The following CTDSPL2 variants were observed in gnomAD, a reference collection of about 807,000 sequenced individuals.
The protein encoded by CTDSPL2 is CTD small phosphatase like 2, also known as CTD small phosphatase-like protein 2.
In CTDSPL2, 5 loss-of-function variants were observed where a neutral mutation model predicts 60.0. That is an observed-to-expected ratio of 0.08 (90% CI 0.04 to 0.18). The LOEUF is 0.18. CTDSPL2 is among the 10% of genes least tolerant of loss of function. The pLI is 1.00. For missense variants in CTDSPL2, 370 were observed against 548.8 expected, an observed-to-expected ratio of 0.67 and a Z score of 3.26; for synonymous variants, 186 against 189.3, an observed-to-expected ratio of 0.98 and a Z score of 0.14.
At chr15:44,504,993 A>G (rs1384806534) in intron 8 of CTDSPL2, among the ~76,000 whole-genome samples, 2 of 152,202 alleles carry the variant, frequency 1.3e-5, no homozygotes, top group Admixed American at 1.3e-4. Context: ...TTTTTTCATC[A>G]TAATTATTCA....
intron 2 of CTDSPL2, among the ~76,000 whole-genome samples, chr15:44,469,428 TA>T (rs1480117104): frequency 6.6e-6 from 1 of 152,224 alleles, no homozygotes; most frequent in African/African-American, 2.4e-5. Context: ...AATTTTACAC[TA>T]TTTTTTTTTC....
chr15:44,446,966 G>C (rs2080230590), intron 1 of CTDSPL2, among the ~76,000 whole-genome samples: 1 of 151,952 alleles, frequency 6.6e-6, no homozygotes, highest in African/African-American at 2.4e-5. Flanking sequence ...TGTTGGCCAG[G>C]CTGGTCTCGA....
chr15:44,460,203 C>T (rs914698665), intron 2 of CTDSPL2, among the ~76,000 whole-genome samples: 3 of 152,104 alleles, frequency 2.0e-5, no homozygotes, highest in Admixed American at 6.6e-5. Context: ...CTCTGCCTCC[C>T]GAGTTCAAGT....
At chr15:44,481,720 T>C (rs991397800) in intron 2 of CTDSPL2, among the ~76,000 whole-genome samples, 52 of 152,104 alleles carry the variant, frequency 3.4e-4, no homozygotes, top group Non-Finnish European at 7.4e-4. Flanking sequence ...ATTACAGATA[T>C]GTACCACCAT....
intron 8 of CTDSPL2, among the ~76,000 whole-genome samples, chr15:44,510,908 G>C (rs755070554): frequency 1.3e-5 from 2 of 152,180 alleles, no homozygotes; most frequent in African/African-American, 2.4e-5. Context: ...ACAGTACGTA[G>C]TGCTTCTTGA....
intron 7 of CTDSPL2, among the ~76,000 whole-genome samples, chr15:44,497,986 G>C (rs929274057): frequency 6.6e-6 from 1 of 151,494 alleles, no homozygotes; most frequent in Non-Finnish European, 1.5e-5. Flanking sequence ...AACAGGGCAA[G>C]ATTCTGTCTC....
intron 2 of CTDSPL2, among the ~76,000 whole-genome samples, chr15:44,472,573 A>G (rs1478660211): frequency 6.8e-6 from 1 of 147,738 alleles, no homozygotes; most frequent in East Asian, 2.0e-4. Context: ...ATCTCGGTTC[A>G]TTGCAACCTC....
chr15:44,465,144 C>T (rs1449292133), intron 2 of CTDSPL2, among the ~76,000 whole-genome samples: 2 of 152,134 alleles, frequency 1.3e-5, no homozygotes, highest in African/African-American at 4.8e-5. Flanking sequence ...CTCTCAAATA[C>T]AGATTTTGTG....
chr15:44,509,874 T>C (rs1231753327), intron 8 of CTDSPL2, among the ~76,000 whole-genome samples: 2 of 151,810 alleles, frequency 1.3e-5, no homozygotes, highest in Non-Finnish European at 2.9e-5. Context: ...TGCAGTGAGC[T>C]GAGACCACAC....
chr15:44,486,758 GTTTTTT>G, intron 4 of CTDSPL2, 58 bp downstream of exon 4: 3 of 800,348 alleles, frequency 3.7e-6, no homozygotes, highest in Non-Finnish European at 1.8e-6. Flanking sequence ...CATAGTTTGG[GTTTTTT>G]TTTTTTTTTT....
chr15:44,468,886 C>T lies in CTDSPL2; in HGVS notation c.186+9686C>T, dbSNP rs75196492. Among the ~76,000 whole-genome samples the T allele has an allele frequency of 1.7e-3, 257 of 152,302 alleles. 9 individuals are homozygous for T. The East Asian group carries it at 0.046, about 27-fold the overall frequency. On this transcript the variant is annotated intron_variant, in intron 2 of 12. Transcript: ENST00000260327. ...AATCTTACATCATCCTGCTCCATCA[C>T]AACTGGGACATTAATCATCCCTTTG... is the stretch of plus-strand genomic sequence containing the variant.
At chr15:44,470,662 G>T (rs1271166171) in intron 2 of CTDSPL2, 2 of 152,064 alleles carry the variant, frequency 1.3e-5, no homozygotes, top group Admixed American at 6.6e-5. Context: ...TGGCCAGCCT[G>T]GTCTTGAACT....
intron 2 of CTDSPL2, among the ~76,000 whole-genome samples, chr15:44,479,644 A>T (rs1188655833): frequency 6.6e-6 from 1 of 151,992 alleles, no homozygotes; most frequent in Non-Finnish European, 1.5e-5. Flanking sequence ...CCTGGCCTCA[A>T]GTGAGGCTCC....
intron 2 of CTDSPL2, among the ~76,000 whole-genome samples, chr15:44,463,173 G>C (rs188921510): frequency 5.7e-4 from 87 of 152,142 alleles, no homozygotes; most frequent in Admixed American, 3.9e-3. Flanking sequence ...ACGAAATCTT[G>C]CTCTGTCGCC....
At chr15:44,489,143 C>G (rs1502454) in intron 4 of CTDSPL2, among the ~76,000 whole-genome samples, 3,826 of 149,588 alleles carry the variant, frequency 0.026, 130 homozygotes, top group African/African-American at 0.09. Flanking sequence ...CCCCCTCCCC[C>G]CCACCTACCT....
At chr15:44,499,138 G>A (rs1296375068) in intron 7 of CTDSPL2, among the ~76,000 whole-genome samples, 2 of 151,138 alleles carry the variant, frequency 1.3e-5, no homozygotes, top group Non-Finnish European at 3.0e-5. Context: ...TGCCAGGCAC[G>A]GTGGCTCACT....
chr15:44,497,866 A>G (rs758284168), intron 7 of CTDSPL2, among the ~76,000 whole-genome samples: 3 of 152,052 alleles, frequency 2.0e-5, no homozygotes, highest in Non-Finnish European at 4.4e-5. Context: ...GCATGGTGAT[A>G]CACACCTGTA....
In CTDSPL2 at chr15:44,465,398, A is replaced by G. The variant is rs2140720231; in HGVS notation, c.186+6198A>G. Among the ~76,000 whole-genome samples, 2 of 152,292 alleles carry G rather than the reference A, an allele frequency of 1.3e-5. 1 individual carries two copies. The highest frequency in any genetic ancestry group is 4.1e-4 in the South Asian group (2 of 4,830). The stretch of plus-strand genomic sequence containing the variant: ...CTAAATGATGTTACAGTTAAGGATC[A>G]TAAATTTCCATATGAATGCAGTTTT... On this transcript the variant is annotated intron_variant, in intron 2 of 12. Coordinates refer to ENST00000260327, the MANE Select transcript of CTDSPL2 (RefSeq NM_016396.3).
At chr15:44,479,132 G>GGCCACC (rs1325675966) in intron 2 of CTDSPL2, among the ~76,000 whole-genome samples, 11 of 151,140 alleles carry the variant, frequency 7.3e-5, no homozygotes, top group African/African-American at 2.7e-4. Flanking sequence ...ATCAGCTATA[G>GGCCACC]TCCTGGCTAT....
Sources: gnomAD v4.1 joint callset for allele counts (sites outside exome capture counted in the v4.1 genomes callset) on GRCh38, gnomAD v4.1.1 for gene constraint, MANE v1.5 for transcripts, NCBI Gene and HGNC (gene_info 2026-07-23, HGNC 2026-07-21) for gene names.